PROX2: variants seen among roughly 807,000 people sequenced by gnomAD.
The protein encoded by PROX2 is prospero homeobox 2.
A neutral mutation model predicts 48.9 loss-of-function variants in PROX2; 46 were observed. The observed-to-expected ratio is 0.94, with a 90% CI of 0.74 to 1.20. The LOEUF (loss-of-function observed/expected upper bound fraction) is 1.20. PROX2 is among the 50% of genes most tolerant of loss of function. PROX2 has a pLI of 0.00. For synonymous variants in PROX2, 260 were observed against 276.6 expected (o/e 0.94, Z 0.60); for missense variants, 663 against 719.4 (o/e 0.92, Z 0.90).
intron 2 of PROX2, among the ~76,000 whole-genome samples, chr14:74,870,461 C>CACACACACACACACAT (rs1883184885): frequency 6.6e-6 from 1 of 150,400 alleles, no homozygotes; most frequent in African/African-American, 2.5e-5. Context: ...CACACACACA[C>CACACACACACACACAT]ACACACACGC....
At chr14:74,858,312 G>A in intron 4 of PROX2, 95 bp downstream of exon 4, 3 of 695,700 alleles carry the variant, frequency 4.3e-6, no homozygotes, top group Middle Eastern at 2.4e-4. Context: ...AGCTTGAAGT[G>A]CACATATGAT....
rs757626861 is a variant in PROX2 at position 74,863,102 on chromosome 14, C to T, written c.733G>A (p.Val245Ile). The change falls in exon 3 of 6, where the codon GTA becomes ATA. Residue 245 changes from valine (V) to isoleucine (I), a missense_variant. Val to Ile is a conservative substitution (Grantham distance 29). Coordinates refer to ENST00000556489, the MANE Select transcript of PROX2 (RefSeq NM_001243007.2). ...SQAVDSVLQK[V>I]LLDPPGHLTQ... ...AGGTGGCCTGGTGGATCCAATAGTA[C>T]CTTTTGTAATACCGAGTCCACAGCC... 5 of 1,613,860 alleles carry T rather than the reference C, an allele frequency of 3.1e-6. No individual in the cohort carries two copies. Among genetic ancestry groups the T allele is most frequent in the South Asian group, 2.2e-5 (2 of 91,082 alleles).
chr14:74,864,444 A>G lies in PROX2; in HGVS notation c.-174-436T>C, dbSNP rs181366767. On this transcript the variant is annotated intron_variant, in intron 2 of 5. Transcript: ENST00000556489. ...GAGAAGAAGCTACTTCCCTATGGTC[A>G]TGCAGCTCGTAAGTGACAGACTGGG... Among the ~76,000 whole-genome samples, 214 of 152,348 alleles carry G rather than the reference A, an allele frequency of 1.4e-3. 1 individual carries two copies. The highest frequency in any genetic ancestry group is 4.8e-3 in the African/African-American group (199 of 41,582).
rs375759029 is a variant in PROX2, at chr14:74,869,157, A to C, written c.-175+1946T>G. On this transcript the variant is annotated intron_variant, in intron 2 of 5. Transcript: ENST00000556489. The stretch of plus-strand genomic sequence containing the variant: ...ATTTCTTTGGGGACTACATTTCTAG[A>C]AGTGAAAATATTGCATCAAAGGCTG... Among the ~76,000 whole-genome samples the C allele has an allele frequency of 4.6e-5, 7 of 152,274 alleles. No individual in the cohort carries two copies. The South Asian group carries it at 1.5e-3, about 32-fold the overall frequency.
rs747346710 is a variant in PROX2 at position 74,855,267 on chromosome 14, C to T, written c.1644G>A (p.Thr548=). 5.8e-5 allele frequency: 90 copies of T among 1,562,964 alleles called. No homozygotes were observed. Among genetic ancestry groups the T allele is most frequent in the Middle Eastern group, 1.7e-4 (1 of 5,830 alleles). Residue 548 remains threonine (T), a synonymous_variant, in exon 6 of 6, where the codon ACG becomes ACA. Coordinates refer to ENST00000556489, the MANE Select transcript of PROX2 (RefSeq NM_001243007.2). ...PDCFLEIASL[T]LQEFFRAVSA... ...AGACAGCCCTGAAGAACTCCTGTAACGTCAAGCTGGCAATTTCCAAGAAGC... is the reference window on the plus strand; with the variant it reads ...AGACAGCCCTGAAGAACTCCTGTAATGTCAAGCTGGCAATTTCCAAGAAGC...
Position 74,863,453 on chromosome 14 carries a change from C to G in PROX2, c.382G>C (p.Gly128Arg). 6.2e-7 allele frequency: 1 copy of G among 1,613,472 alleles called. No individual in the cohort carries two copies. Among genetic ancestry groups the G allele is most frequent in the South Asian group, 1.1e-5 (1 of 91,022 alleles). Residue 128 changes from glycine to arginine, a missense_variant, in exon 3 of 6, where the codon GGG (glycine) becomes CGG (arginine). Transcript: ENST00000556489. Reference protein sequence around the residue: ...APAWDQGNRKGGPRVREQLHL... With the variant: ...APAWDQGNRKRGPRVREQLHL... The stretch of plus-strand genomic sequence containing the variant: ...AGTTGTTCTCTCACACGAGGGCCCC[C>G]CTTCCTGTTGCCCTGGTCCCAGGCA...
At position 74,858,842 on chromosome 14, in the gene PROX2, T is replaced by TTTTGTGTG. The variant is rs1491205215; in HGVS notation, c.1306-329_1306-328insCACACAAA. 279 of 162,212 alleles carry TTTTGTGTG rather than the reference T, an allele frequency of 1.7e-3. 11 individuals are homozygous for TTTTGTGTG. The highest frequency in any genetic ancestry group is 8.6e-3 in the East Asian group (52 of 6,072). 10.0% of individuals were successfully genotyped at this position (162,212 alleles called of 1,614,324 possible). A position where few individuals can be genotyped will look rare whatever the true frequency, so the allele number is the denominator to read the frequency against. On this transcript the variant is annotated intron_variant, in intron 3 of 5. Coordinates refer to ENST00000556489, the MANE Select transcript of PROX2 (RefSeq NM_001243007.2). ...TAGATGTCAAATACAGGTTGGTGTA[T>TTTTGTGTG]TGTGTGTGTGTGTGTGTGTGTGTGT...
Position 74,858,845 on chromosome 14 carries a change from TGTGTG to T in PROX2, c.1306-336_1306-332del, listed in dbSNP as rs751264276. 2.0e-3 allele frequency: 116 copies of T among 57,704 alleles called. 5 individuals are homozygous for T. Among genetic ancestry groups the T allele is most frequent in the African/African-American group, 8.8e-3 (86 of 9,774 alleles). The allele number at this position is 57,704 out of a possible 1,614,324, so 3.6% of individuals were successfully genotyped here. On this transcript the variant is annotated intron_variant, in intron 3 of 5. Coordinates refer to ENST00000556489, the MANE Select transcript of PROX2 (RefSeq NM_001243007.2). ...ATGTCAAATACAGGTTGGTGTATTG[TGTGTG>T]TGTGTGTGTGTGTGTGTGTGTGTGT...
intron 2 of PROX2, among the ~76,000 whole-genome samples, chr14:74,864,452 C>T (rs1015642254): frequency 7.2e-5 from 11 of 152,186 alleles, no homozygotes; most frequent in Non-Finnish European, 1.5e-4. Context: ...TCATGCAGCT[C>T]GTAAGTGACA....
Position 74,855,300 on chromosome 14 carries a change from A to G in PROX2, c.1611T>C (p.Val537=), listed in dbSNP as rs2091734945. ...MHYNKGNDFE[V]PDCFLEIASL... ...TGGCAATTTCCAAGAAGCAATCTGG[A>G]ACCTGCATTTCCAAAGAGACCCACA... The change falls in exon 6 of 6, where the codon GTT becomes GTC. Residue 537 remains valine (V), a splice_region_variant and synonymous_variant. Transcript: ENST00000556489. 2 of 1,548,410 alleles carry G rather than the reference A, an allele frequency of 1.3e-6. No homozygotes were observed. Among genetic ancestry groups the G allele is most frequent in the Admixed American group, 1.8e-5 (1 of 56,192 alleles).
chr14:74,862,120 C>A (rs927902977), intron 3 of PROX2, among the ~76,000 whole-genome samples: 14 of 152,322 alleles, frequency 9.2e-5, no homozygotes, highest in East Asian at 1.9e-4. Flanking sequence ...AGGCCCAGAG[C>A]AACATTAAGA....
chr14:74,863,234 A>G lies in PROX2; in HGVS notation c.601T>C (p.Ser201Pro), dbSNP rs778651714. 1.9e-6 allele frequency: 3 copies of G among 1,613,810 alleles called. No homozygotes were observed. Among genetic ancestry groups the G allele is most frequent in the African/African-American group, 2.7e-5 (2 of 74,928 alleles). ...GACTCTTGGTGTTTTTCTGCCCCAG[A>G]GAGGTCCTTGCTGGTACCTTGCTGG... ...DHQQGTSKDL[S>P]GAEKHQESEK... The change falls in exon 3 of 6, where the codon TCT (serine) becomes CCT (proline). Residue 201 changes from serine to proline, a missense_variant. By Grantham distance (74) the Ser-to-Pro change is moderately conservative. Transcript: ENST00000556489.
Position 74,855,064 on chromosome 14 carries a change from C to A in PROX2, c.*68G>T. 1 of 1,220,108 alleles carries A rather than the reference C, an allele frequency of 8.2e-7. No individual in the cohort carries two copies. Among genetic ancestry groups the A allele is most frequent in the South Asian group, 2.4e-5 (1 of 40,838 alleles). The allele number at this position is 1,220,108 out of a possible 1,614,324, so 75.6% of individuals were successfully genotyped here. A position where few individuals can be genotyped will look rare whatever the true frequency, so the allele number is the denominator to read the frequency against. On this transcript the variant is annotated 3_prime_UTR_variant, in exon 6 of 6. Coordinates refer to ENST00000556489, the MANE Select transcript of PROX2 (RefSeq NM_001243007.2). ...TTTATATGACTACAGCTAAATTGCC[C>A]TTTAAGACAAACCCAGGAAACCCTA...
intron 1 of PROX2, among the ~76,000 whole-genome samples, chr14:74,874,898 G>A (rs1272849756): frequency 2.0e-5 from 3 of 151,710 alleles, no homozygotes; most frequent in East Asian, 1.9e-4. Context: ...TCATCCCAGC[G>A]CTTTGGGAGG....
rs759076823 is a variant in PROX2, at chr14:74,855,182, G to A, written c.1729C>T (p.Leu577=). The A allele has an allele frequency of 9.4e-6, 15 of 1,595,518 alleles. No homozygotes were observed. Among genetic ancestry groups the A allele is most frequent in the Non-Finnish European group, 6.8e-6 (8 of 1,168,202 alleles). The stretch of plus-strand genomic sequence containing the variant: ...AATATCTCTGGGATGTCACTGTCCA[G>A]TTTCGAAATAATTTTATAAATGGGT... ...KKPIYKIISK[L]DSDIPEIFKS... is the part of the protein sequence containing the mutation. The change falls in exon 6 of 6, where the codon CTG becomes TTG. Residue 577 remains leucine (L), a synonymous_variant. Transcript: ENST00000556489.
At position 74,862,943 on chromosome 14, in the gene PROX2, C is replaced by G. The variant is rs753918638; in HGVS notation, c.892G>C (p.Val298Leu). ...GCCAGTGATAAATTTCCTACTGGGA[C>G]CCCAGCTTGTAGCTGGACCCTCCTG... Reference protein sequence around the residue: ...LPRRVQLQAGVPVGNLSLAKR... With the variant: ...LPRRVQLQAGLPVGNLSLAKR... Residue 298 changes from valine (V) to leucine (L), a missense_variant, in exon 3 of 6, where the codon GTC becomes CTC. Val to Leu is a conservative substitution (Grantham distance 32). Transcript: ENST00000556489. The G allele has an allele frequency of 6.2e-7, 1 of 1,613,922 alleles. No individual in the cohort carries two copies. The highest frequency in any genetic ancestry group is 1.1e-5 in the South Asian group (1 of 91,080).
chr14:74,864,586 A>T (rs2091828063), intron 2 of PROX2, among the ~76,000 whole-genome samples: 1 of 152,236 alleles, frequency 6.6e-6, no homozygotes, highest in African/African-American at 2.4e-5. Flanking sequence ...TCACGCCTGT[A>T]ATCCCAGCAC....
rs2091725108 is a variant in PROX2 at position 74,854,177 on chromosome 14, T to TA, written c.*954dup. 2 of 417,728 alleles carry TA rather than the reference T, an allele frequency of 4.8e-6. No homozygotes were observed. The highest frequency in any genetic ancestry group is 2.7e-5 in the Admixed American group (1 of 37,730). 25.9% of individuals were successfully genotyped at this position (417,728 alleles called of 1,614,324 possible). On this transcript the variant is annotated 3_prime_UTR_variant, in exon 6 of 6. Transcript: ENST00000556489. ...AGTCTGAAGTTCAGCTTCTTCTGCA[T>TA]ATATGAGGTTGGGGCACCAATTGCA...
chr14:74,874,947 C>G (rs1257267051), intron 1 of PROX2, among the ~76,000 whole-genome samples: 2 of 151,826 alleles, frequency 1.3e-5, no homozygotes, highest in Non-Finnish European at 1.5e-5. Context: ...GAGTTTGAGA[C>G]CATCCTGGCC....
Sources: allele counts gnomAD v4.1 joint callset (sites outside exome capture counted in the v4.1 genomes callset), GRCh38; gene constraint gnomAD v4.1.1; transcripts MANE v1.5; gene names NCBI Gene and HGNC (gene_info 2026-07-23, HGNC 2026-07-21).